GNAO1: variants seen among roughly 807,000 people sequenced by gnomAD.
GNAO1 encodes the protein G protein subunit alpha o1, also known as guanine nucleotide-binding protein G(o) subunit alpha.
For missense variants in GNAO1, 166 were observed against 478.7 expected, an observed-to-expected ratio of 0.35 and a Z score of 6.10; for synonymous variants, 164 against 180.7, an observed-to-expected ratio of 0.91 and a Z score of 0.74.
At chr16:56,199,404 A>G (rs111303273) in intron 2 of GNAO1, among the ~76,000 whole-genome samples, 24 of 152,314 alleles carry the variant, frequency 1.6e-4, no homozygotes, top group African/African-American at 5.3e-4. Context: ...AGCCAGTGAC[A>G]TTAGAAGAGA....
chr16:56,297,418 A>G (rs941302584), intron 3 of GNAO1, among the ~76,000 whole-genome samples: 1 of 151,708 alleles, frequency 6.6e-6, no homozygotes, highest in Non-Finnish European at 1.5e-5. Flanking sequence ...CAGATTTTGG[A>G]CTCAGACCTG....
chr16:56,344,978 C>G (rs1485731893), intron 6 of GNAO1: 2 of 982,206 alleles, frequency 2.0e-6, no homozygotes, highest in Non-Finnish European at 1.2e-6. Context: ...GTCTTCCCAG[C>G]CCCTGGGGAC....
intron 2 of GNAO1, 51 bp from the exon 3 acceptor site, chr16:56,275,880 T>C (rs1293128498): frequency 2.0e-6 from 3 of 1,520,928 alleles, no homozygotes; most frequent in South Asian, 2.6e-5. Context: ...GCTCTCTGTG[T>C]TGATGAGGAC....
At chr16:56,310,630 C>T (rs950870291) in intron 3 of GNAO1, among the ~76,000 whole-genome samples, 2 of 152,058 alleles carry the variant, frequency 1.3e-5, no homozygotes, top group Non-Finnish European at 2.9e-5. Flanking sequence ...GAAGAGGGAC[C>T]GTACTCAGTA....
At position 56,311,187 on chromosome 16, in the gene GNAO1, G is replaced by T. The variant is rs1349932679; in HGVS notation, c.304-17444G>T. On this transcript the variant is annotated intron_variant, in intron 3 of 8. Coordinates refer to ENST00000262493, the MANE Select transcript of GNAO1 (RefSeq NM_020988.3). The surrounding 1 kb of genome is among the most constrained non-coding windows in gnomAD (Gnocchi z 5.2). Reference sequence around the variant, plus strand: ...GTGTGGGGCTTGGGGGTGGAGATGGGGGAGAGAGGCATGGAAGGGGGTAAG... The same window carrying T: ...GTGTGGGGCTTGGGGGTGGAGATGGTGGAGAGAGGCATGGAAGGGGGTAAG... Among the ~76,000 whole-genome samples, 1 of 149,802 alleles carries T rather than the reference G, an allele frequency of 6.7e-6. No homozygotes were observed. Among genetic ancestry groups the T allele is most frequent in the Non-Finnish European group, 1.5e-5 (1 of 67,414 alleles).
At chr16:56,333,401 G>A (rs778580791) in intron 4 of GNAO1, among the ~76,000 whole-genome samples, 10 of 151,988 alleles carry the variant, frequency 6.6e-5, no homozygotes, top group Non-Finnish European at 1.2e-4. Flanking sequence ...TAGTAGAGAT[G>A]GGGTTTCACC....
chr16:56,327,194 G>A (rs1174401260), intron 3 of GNAO1, among the ~76,000 whole-genome samples: 4 of 152,020 alleles, frequency 2.6e-5, no homozygotes, highest in African/African-American at 4.8e-5. Context: ...TCTGTACCAG[G>A]CTCCCCGAGT....
chr16:56,327,832 C>T (rs181783608), intron 3 of GNAO1, among the ~76,000 whole-genome samples: 95 of 152,286 alleles, frequency 6.2e-4, no homozygotes, highest in African/African-American at 2.2e-3. Flanking sequence ...GGAGAGTGCT[C>T]CAAGCTCATT....
chr16:56,241,272 G>C (rs1411736229), intron 2 of GNAO1, among the ~76,000 whole-genome samples: 2 of 152,222 alleles, frequency 1.3e-5, no homozygotes, highest in African/African-American at 4.8e-5. Context: ...GTGTGAATGA[G>C]TAGCAGTGCT....
In GNAO1 at chr16:56,355,077, A is replaced by AT. The variant is rs1377783622; in HGVS notation, c.*27dup. ...GACCTCTTGTCCTGTATAGCAACCT[A>AT]TTTGGTAATGATTCCAGCACCCACA... is the stretch of plus-strand genomic sequence containing the variant. On this transcript the variant is annotated 3_prime_UTR_variant, in exon 8 of 9. Transcript: ENST00000262493. 2 of 1,538,754 alleles carry AT rather than the reference A, an allele frequency of 1.3e-6. No individual in the cohort carries two copies. The highest frequency in any genetic ancestry group is 1.8e-6 in the Non-Finnish European group (2 of 1,117,556).
chr16:56,234,689 G>T (rs1440719806), intron 2 of GNAO1, among the ~76,000 whole-genome samples: 1 of 152,116 alleles, frequency 6.6e-6, no homozygotes, highest in Non-Finnish European at 1.5e-5. Flanking sequence ...AGTTTTTGAG[G>T]GAGTGTGGTT....
chr16:56,345,057 CCT>C (rs1286848483), intron 6 of GNAO1: 16 of 985,314 alleles, frequency 1.6e-5, no homozygotes, highest in Non-Finnish European at 1.6e-5. Context: ...AACACACCCC[CCT>C]GTCCCCAACT....
At chr16:56,277,746 T>C (rs1032397048) in intron 3 of GNAO1, among the ~76,000 whole-genome samples, 2 of 142,192 alleles carry the variant, frequency 1.4e-5, no homozygotes, top group African/African-American at 5.4e-5. Flanking sequence ...CTCAGCCAGA[T>C]AGCAGACACA....
Position 56,292,336 on chromosome 16 carries a change from C to T in GNAO1, c.303+16264C>T, listed in dbSNP as rs556534816. On this transcript the variant is annotated intron_variant, in intron 3 of 8. Coordinates refer to ENST00000262493, the MANE Select transcript of GNAO1 (RefSeq NM_020988.3). ...CAAAAGATACTGGTATTTTTCTACC[C>T]TGTGGATAAAATGGAGTCAGAATTT... Among the ~76,000 whole-genome samples, 14 of 152,286 alleles carry T rather than the reference C, an allele frequency of 9.2e-5. No individual in the cohort carries two copies. The South Asian group carries it at 1.9e-3, about 20-fold the overall frequency.
chr16:56,320,743 C>T (rs2037563141), intron 3 of GNAO1, among the ~76,000 whole-genome samples: 2 of 152,180 alleles, frequency 1.3e-5, no homozygotes, highest in Admixed American at 6.5e-5. Context: ...CCTATACATC[C>T]GAGGAAATGC....
intron 2 of GNAO1, among the ~76,000 whole-genome samples, chr16:56,254,414 C>T (rs1013408620): frequency 6.6e-6 from 1 of 152,078 alleles, no homozygotes; most frequent in East Asian, 1.9e-4. Flanking sequence ...TTCCTTTTAT[C>T]ATCACAAACA....
intron 3 of GNAO1, among the ~76,000 whole-genome samples, chr16:56,324,074 A>G (rs1391761052): frequency 6.6e-6 from 1 of 152,210 alleles, no homozygotes; most frequent in Non-Finnish European, 1.5e-5. Context: ...CCGTCCCACA[A>G]CAGGAAGGCC....
intron 2 of GNAO1, among the ~76,000 whole-genome samples, chr16:56,267,517 G>A (rs866020517): frequency 2.6e-5 from 4 of 152,146 alleles, no homozygotes; most frequent in South Asian, 2.1e-4. Flanking sequence ...ACCACACAGC[G>A]TTGTCTCCAG....
chr16:56,229,091 A>T (rs2143392057), intron 2 of GNAO1, among the ~76,000 whole-genome samples: 1 of 152,298 alleles, frequency 6.6e-6, no homozygotes, highest in East Asian at 1.9e-4. Flanking sequence ...TTTGTAATGG[A>T]GGAGAAATGA....
Sources: gnomAD v4.1 joint callset for allele counts (sites outside exome capture counted in the v4.1 genomes callset) on GRCh38, gnomAD v4.1.1 for gene constraint, Gnocchi (gnomAD v3.1) non-coding constraint, MANE v1.5 for transcripts, NCBI Gene and HGNC (gene_info 2026-07-23, HGNC 2026-07-21) for gene names.